STK32B: variants seen among roughly 807,000 people sequenced by gnomAD.
STK32B encodes the protein serine/threonine-protein kinase 32B.
STK32B carries 43 observed loss-of-function variants against 52.6 expected under a neutral mutation model. The ratio of observed to expected loss-of-function variants is 0.82; its 90% CI spans 0.64 to 1.05. STK32B has a LOEUF of 1.05. STK32B is among the 50% of genes least tolerant of loss of function. The probability of loss-of-function intolerance (pLI) is 0.00; values close to 1 mark genes in which losing one functional copy is unlikely to be tolerated. For missense variants in STK32B, 621 were observed against 534.6 expected (o/e 1.16, Z -1.59); for synonymous variants, 238 against 204.3 (o/e 1.17, Z -1.41).
chr4:5,329,290 G>T (rs1163574292), intron 3 of STK32B, among the ~76,000 whole-genome samples: 1 of 152,068 alleles, frequency 6.6e-6, no homozygotes, highest in African/African-American at 2.4e-5. Flanking sequence ...TGAGGAGCAG[G>T]GACTGTATCT....
chr4:5,374,216 T>C (rs1339308618), intron 4 of STK32B, among the ~76,000 whole-genome samples: 1 of 152,214 alleles, frequency 6.6e-6, no homozygotes, highest in Non-Finnish European at 1.5e-5. Context: ...TTCTGGCCTT[T>C]GTATTTTGAA....
At chr4:5,030,850 C>T in the STK32B span, among the ~76,000 whole-genome samples, 1 of 152,090 alleles carries the variant, frequency 6.6e-6, no homozygotes, top group Non-Finnish European at 1.5e-5. Flanking sequence ...GTATTAGGTT[C>T]TCCTAAGAAA....
At chr4:5,191,702 G>C (rs146647546) in intron 3 of STK32B, among the ~76,000 whole-genome samples, 1 of 152,146 alleles carries the variant, frequency 6.6e-6, no homozygotes, top group South Asian at 2.1e-4. Context: ...AGCCTGCTTC[G>C]TCGGCTGAGA....
At chr4:5,101,794 T>C (rs1376160439) in intron 1 of STK32B, among the ~76,000 whole-genome samples, 1 of 152,196 alleles carries the variant, frequency 6.6e-6, no homozygotes, top group African/African-American at 2.4e-5. Context: ...CTCAGAAGCG[T>C]GCCTTTCAAG....
chr4:5,074,777 G>A (rs1285740712), intron 1 of STK32B, among the ~76,000 whole-genome samples: 2 of 152,054 alleles, frequency 1.3e-5, no homozygotes, highest in African/African-American at 4.8e-5. Flanking sequence ...GAGGAGTGTT[G>A]AGTTTTATTC....
At chr4:5,328,392 A>G (rs1732014012) in intron 3 of STK32B, among the ~76,000 whole-genome samples, 1 of 152,174 alleles carries the variant, frequency 6.6e-6, no homozygotes, top group African/African-American at 2.4e-5. Context: ...AAACTGAGAG[A>G]TGTGTGATTC....
chr4:5,199,226 T>C (rs1055152140), intron 3 of STK32B, among the ~76,000 whole-genome samples: 3 of 152,148 alleles, frequency 2.0e-5, no homozygotes, highest in Non-Finnish European at 4.4e-5. Context: ...GCACGGTGGT[T>C]GTTTGTACAG....
chr4:5,098,663 G>A (rs936705408), intron 1 of STK32B, among the ~76,000 whole-genome samples: 1 of 152,194 alleles, frequency 6.6e-6, no homozygotes, highest in Non-Finnish European at 1.5e-5. Flanking sequence ...TGTACTAAAT[G>A]TAGGCCATGA....
intron 5 of STK32B, among the ~76,000 whole-genome samples, chr4:5,415,221 T>C (rs543402388): frequency 6.6e-6 from 1 of 152,338 alleles, no homozygotes; most frequent in Admixed American, 6.5e-5. Flanking sequence ...ACTTTCTGCA[T>C]GTCACCATCA....
intron 3 of STK32B, among the ~76,000 whole-genome samples, chr4:5,219,116 G>C (rs1010362440): frequency 4.6e-5 from 7 of 152,212 alleles, no homozygotes; most frequent in African/African-American, 1.7e-4. Context: ...TCTTTTTTCT[G>C]ATGTCACTTA....
chr4:5,446,794 G>A lies in STK32B; in HGVS notation c.666+18G>A. On this transcript the variant is annotated intron_variant, in intron 7 of 11. Coordinates refer to ENST00000282908, the MANE Select transcript of STK32B (RefSeq NM_018401.3). ...GGGGCTGGGTAAGACAGGCACCTGT[G>A]CGGTACACACGAGGGGCTGTGCAGT... 1 of 1,612,986 alleles carries A rather than the reference G, an allele frequency of 6.2e-7. No homozygotes were observed. Among genetic ancestry groups the A allele is most frequent in the Non-Finnish European group, 8.5e-7 (1 of 1,179,106 alleles).
At chr4:5,242,984 T>A (rs905019386) in intron 3 of STK32B, among the ~76,000 whole-genome samples, 1 of 152,222 alleles carries the variant, frequency 6.6e-6, no homozygotes, top group African/African-American at 2.4e-5. Flanking sequence ...ACTGTAGCCT[T>A]GTAGTATGGT....
rs73208957 is a variant in STK32B at position 5,189,029 on chromosome 4, A to G, written c.260+20579A>G. The stretch of plus-strand genomic sequence containing the variant: ...AGGTATAATTTAAAAAAAAAAAAGA[A>G]AAACAGATGTAAAAGTTCACAGCAA... On this transcript the variant is annotated intron_variant, in intron 3 of 11. Coordinates refer to ENST00000282908, the MANE Select transcript of STK32B (RefSeq NM_018401.3). Among the ~76,000 whole-genome samples the G allele has an allele frequency of 1.8e-3, 253 of 137,552 alleles. 1 individual carries two copies. Among genetic ancestry groups the G allele is most frequent in the African/African-American group, 6.2e-3 (228 of 36,932 alleles). The allele number at this position is 137,552 out of a possible 152,430, so 90.2% of individuals were successfully genotyped here.
At chr4:5,221,955 G>A (rs769884356) in intron 3 of STK32B, among the ~76,000 whole-genome samples, 15 of 152,132 alleles carry the variant, frequency 9.9e-5, no homozygotes, top group East Asian at 3.9e-4. Context: ...ATCACAAATA[G>A]GATTAAGGCC....
At chr4:5,297,742 G>C (rs1729297843) in intron 3 of STK32B, among the ~76,000 whole-genome samples, 1 of 151,526 alleles carries the variant, frequency 6.6e-6, no homozygotes, top group Non-Finnish European at 1.5e-5. Context: ...CTTTAGCTTG[G>C]AGGAGTTTGT....
chr4:5,151,357 C>G (rs1039990992), intron 2 of STK32B, among the ~76,000 whole-genome samples: 2 of 152,168 alleles, frequency 1.3e-5, no homozygotes, highest in Non-Finnish European at 2.9e-5. Flanking sequence ...ATGAAGAAAA[C>G]CATCCTCCTA....
In STK32B at chr4:5,064,538, T is replaced by C. The variant is rs1433506273; in HGVS notation, c.52+12623T>C. On this transcript the variant is annotated intron_variant, in intron 1 of 11. Transcript: ENST00000282908. ...TATATACTTATATACATATATAATATATAAATATATACTTATATACATATA... is the reference window on the plus strand; with the variant it reads ...TATATACTTATATACATATATAATACATAAATATATACTTATATACATATA... 1.5e-4 allele frequency among the ~76,000 whole-genome samples: 8 copies of C among 54,802 alleles called. 1 individual carries two copies. The East Asian group carries it at 4.4e-3, about 30-fold the overall frequency. 36.0% of individuals were successfully genotyped at this position (54,802 alleles called of 152,430 possible).
chr4:5,208,877 C>A (rs369862291), intron 3 of STK32B, among the ~76,000 whole-genome samples: 1 of 152,228 alleles, frequency 6.6e-6, no homozygotes, highest in South Asian at 2.1e-4. Flanking sequence ...TAAATGATCA[C>A]GATGCCTGAC....
intron 1 of STK32B, among the ~76,000 whole-genome samples, chr4:5,055,748 G>T (rs1268694043): frequency 6.6e-6 from 1 of 152,000 alleles, no homozygotes. Context: ...TTGCCCGAGG[G>T]CATCTCCCCC....
Sources: gnomAD v4.1 joint callset for allele counts (sites outside exome capture counted in the v4.1 genomes callset) on GRCh38, gnomAD v4.1.1 for gene constraint, MANE v1.5 for transcripts, NCBI Gene and HGNC (gene_info 2026-07-23, HGNC 2026-07-21) for gene names.